Variants in MTFR1 observed in about 807,000 individuals in gnomAD.
The protein encoded by MTFR1 is mitochondrial fission regulator 1, also known as chondrocyte protein with a poly-proline region.
MTFR1 carries 28 observed loss-of-function variants against 38.8 expected under a neutral mutation model. The observed-to-expected ratio is 0.72, with a 90% confidence interval of 0.53 to 0.99. The LOEUF (loss-of-function observed/expected upper bound fraction) is 0.99. MTFR1 is among the 50% of genes least tolerant of loss of function. The pLI, the probability that MTFR1 is intolerant of heterozygous loss-of-function variation, is 0.00. For missense variants in MTFR1, 358 were observed against 395.5 expected, an observed-to-expected ratio of 0.91 and a Z score of 0.81; for synonymous variants, 145 against 137.0, an observed-to-expected ratio of 1.06 and a Z score of -0.41.
chr8:65,736,180 A>G (rs1290729755), intron 3 of MTFR1, among the ~76,000 whole-genome samples: 2 of 152,252 alleles, frequency 1.3e-5, no homozygotes, highest in Admixed American at 6.5e-5. Context: ...CTTTGGGGCC[A>G]TTATGAAGTA....
intron 3 of MTFR1, among the ~76,000 whole-genome samples, chr8:65,693,370 C>T (rs1805339409): frequency 1.3e-5 from 2 of 151,754 alleles, no homozygotes; most frequent in Admixed American, 6.6e-5. Flanking sequence ...CCACTGCACT[C>T]CAGCCTGGGC....
At chr8:65,663,051 C>T (rs148938007) in intron 1 of MTFR1, among the ~76,000 whole-genome samples, 16,543 of 151,806 alleles carry the variant, frequency 0.11, 1,126 homozygotes, top group Middle Eastern at 0.17. Context: ...TCATTGAGAA[C>T]GGGCCATGAT....
chr8:65,691,891 T>A (rs1805292640), intron 3 of MTFR1, among the ~76,000 whole-genome samples: 1 of 152,220 alleles, frequency 6.6e-6, no homozygotes, highest in Non-Finnish European at 1.5e-5. Context: ...TACCAACAAC[T>A]GATATGTTTA....
chr8:65,660,947 A>G (rs1809396352), intron 1 of MTFR1, among the ~76,000 whole-genome samples: 1 of 152,244 alleles, frequency 6.6e-6, no homozygotes. Context: ...AATGCATATT[A>G]CTAGGCAAAG....
At chr8:65,736,454 A>G (rs1392384116) in intron 3 of MTFR1, among the ~76,000 whole-genome samples, 1 of 152,212 alleles carries the variant, frequency 6.6e-6, no homozygotes, top group Non-Finnish European at 1.5e-5. Context: ...ATTAATACAC[A>G]TTAAAAAGTT....
intron 3 of MTFR1, among the ~76,000 whole-genome samples, chr8:65,757,378 G>A (rs866040195): frequency 1.3e-5 from 2 of 152,180 alleles, no homozygotes; most frequent in South Asian, 4.2e-4. Flanking sequence ...TTCATACATG[G>A]ATCCTTTAAA....
chr8:65,739,624 T>A (rs757329827), intron 3 of MTFR1: 1 of 1,474,580 alleles, frequency 6.8e-7, no homozygotes, highest in Middle Eastern at 1.9e-4. Flanking sequence ...GACATTACAT[T>A]AGTAGGAAAT....
chr8:65,669,790 AGGCTTGCT>A, intron 1 of MTFR1, 75 bp from the exon 2 acceptor site: 1 of 617,222 alleles, frequency 1.6e-6, no homozygotes, highest in Non-Finnish European at 2.8e-6. Context: ...AAAATGTTTT[AGGCTTGCT>A]CTGTGAGACA....
At chr8:65,661,258 A>G (rs1026898598) in intron 1 of MTFR1, among the ~76,000 whole-genome samples, 30 of 152,214 alleles carry the variant, frequency 2.0e-4, no homozygotes, top group Non-Finnish European at 1.5e-4. Flanking sequence ...CATTGGAATA[A>G]ATGCACCACT....
intron 1 of MTFR1, among the ~76,000 whole-genome samples, chr8:65,655,362 T>A (rs1306087321): frequency 6.6e-6 from 1 of 152,142 alleles, no homozygotes; most frequent in Non-Finnish European, 1.5e-5. Context: ...ATCTTACTAG[T>A]TTTTGTTTTT....
intron 6 of MTFR1, 42 bp downstream of exon 6, chr8:65,707,298 T>C (rs971040289): frequency 2.7e-5 from 43 of 1,582,604 alleles, no homozygotes; most frequent in Non-Finnish European, 3.6e-5. Flanking sequence ...TTTGTTTGTC[T>C]TATAAAACCA....
rs1342908715 is a variant in MTFR1, at chr8:65,727,068, A to G, written c.*48+7587A>G. On this transcript the variant is annotated intron_variant, in intron 3 of 3. Transcript: ENST00000521247. ...CAATATTAATCTGGTTAAAATTCTA[A>G]CATTCATTGAGAATTTATTTTCATT... 5.0e-6 allele frequency: 5 copies of G among 995,292 alleles called. No individual in the cohort carries two copies. In the African/African-American group the frequency reaches 8.1e-5, roughly 16 times the overall value. The allele number at this position is 995,292 out of a possible 1,614,324, so 61.7% of individuals were successfully genotyped here. A position where few individuals can be genotyped will look rare whatever the true frequency, so the allele number is the denominator to read the frequency against.
chr8:65,706,354 A>T (rs1222953919), intron 5 of MTFR1, among the ~76,000 whole-genome samples: 2 of 152,342 alleles, frequency 1.3e-5, no homozygotes, highest in East Asian at 3.9e-4. Flanking sequence ...AGTTCACCCA[A>T]TAAACAACTT....
At chr8:65,715,217 A>G (rs1462315819), downstream of MTFR1, among the ~76,000 whole-genome samples, 1 of 152,144 alleles carries the variant, frequency 6.6e-6, no homozygotes. Context: ...AGAAAAAAAT[A>G]TTCCAGTAAT....
chr8:65,677,384 C>CTTT (rs771296415), intron 2 of MTFR1, among the ~76,000 whole-genome samples: 5 of 104,684 alleles, frequency 4.8e-5, no homozygotes, highest in South Asian at 6.2e-4. Context: ...TTAGCTGTTT[C>CTTT]TTTTTTTTTT....
intron 3 of MTFR1, among the ~76,000 whole-genome samples, chr8:65,737,265 T>C (rs985003841): frequency 6.6e-6 from 1 of 152,034 alleles, no homozygotes; most frequent in Non-Finnish European, 1.5e-5. Context: ...CTCATAAACC[T>C]GTTCTAGTGG....
chr8:65,670,451 GAAA>G (rs553480643), intron 2 of MTFR1, among the ~76,000 whole-genome samples: 1 of 151,624 alleles, frequency 6.6e-6, no homozygotes, highest in South Asian at 2.1e-4. Context: ...TTGATAAGAA[GAAA>G]AAAAAGTTAC....
chr8:65,765,513 A>G (rs2128917179), intron 3 of MTFR1: 1 of 151,206 alleles, frequency 6.6e-6, no homozygotes, highest in East Asian at 1.9e-4. Flanking sequence ...AAAAAAAAAA[A>G]AAAAAAAGAT....
intron 3 of MTFR1, among the ~76,000 whole-genome samples, chr8:65,744,905 A>T (rs888094710): frequency 6.6e-6 from 1 of 152,222 alleles, no homozygotes; most frequent in Non-Finnish European, 1.5e-5. Context: ...TCACTTAAAA[A>T]GAGAAAAAAA....
Sources: allele counts gnomAD v4.1 joint callset (sites outside exome capture counted in the v4.1 genomes callset), GRCh38; gene constraint gnomAD v4.1.1; transcripts MANE v1.5; gene names NCBI Gene and HGNC (gene_info 2026-07-23, HGNC 2026-07-21).